NBPF14: variants seen among roughly 807,000 people sequenced by gnomAD.
NBPF14 encodes NBPF family member NBPF14.
A neutral mutation model predicts 91.2 loss-of-function variants in NBPF14; 104 were observed. That is an observed-to-expected ratio of 1.14 (90% confidence interval 0.97 to 1.34). The LOEUF is 1.34. Among genes scored for constraint, NBPF14 ranks in the 40% most tolerant of loss-of-function variants. NBPF14 has a pLI of 0.00. For synonymous variants in NBPF14, 294 were observed against 303.8 expected (o/e 0.97, Z 0.34); for missense variants, 908 against 783.0 (o/e 1.16, Z -1.91).
chr1:148,579,926 C>T (rs1465899619), intron 12 of NBPF14, among the ~76,000 whole-genome samples: 6 of 152,040 alleles, frequency 3.9e-5, no homozygotes, highest in Admixed American at 2.6e-4. Context: ...GACATCCACC[C>T]CAAAACCCCA....
chr1:148,583,868 CA>C lies in NBPF14; in HGVS notation c.1585+602del, dbSNP rs1235387311. 1.9e-3 allele frequency among the ~76,000 whole-genome samples: 134 copies of C among 69,878 alleles called. 6 individuals are homozygous for C. In the Middle Eastern group the frequency reaches 0.032, roughly 17 times the overall value. The allele number at this position is 69,878 out of a possible 152,430, so 45.8% of individuals were successfully genotyped here. A position where few individuals can be genotyped will look rare whatever the true frequency, so the allele number is the denominator to read the frequency against. On this transcript the variant is annotated intron_variant, in intron 11 of 70. Transcript: ENST00000619423. ...TGGGTGACAGAGCAAGACTCCATTG[CA>C]AAAAAAAAAAAATCCACGATGCTAC...
At chr1:148,557,022 G>C (rs1656677987) in intron 40 of NBPF14, among the ~76,000 whole-genome samples, 160 bp from the exon 41 acceptor site, 1 of 93,646 alleles carries the variant, frequency 1.1e-5, no homozygotes, top group Non-Finnish European at 1.9e-5. Flanking sequence ...GGACAGAACA[G>C]GGCCAAATGG....
exon 8 of NBPF14, chr1:148,587,305 G>C: frequency 6.3e-7 from 1 of 1,580,528 alleles, no homozygotes; most frequent in East Asian, 2.2e-5. Context: ...CCTCACCTGA[G>C]CTCCTCAGCT....
intron 28 of NBPF14, 88 bp from the exon 29 acceptor site, chr1:148,566,403 G>T (rs1213815998): frequency 1.6e-6 from 1 of 634,054 alleles, no homozygotes; most frequent in South Asian, 1.8e-5. Flanking sequence ...GCATAGGGAA[G>T]TGGTTAAAAA....
At chr1:148,560,236 T>G (rs1483166415) in intron 36 of NBPF14, among the ~76,000 whole-genome samples, 1 of 150,062 alleles carries the variant, frequency 6.7e-6, no homozygotes, top group Non-Finnish European at 1.5e-5. Context: ...GACATACTGG[T>G]AAGGGAGTCA....
chr1:148,585,398 G>C (rs1286049957), intron 9 of NBPF14, among the ~76,000 whole-genome samples, 185 bp from the exon 10 acceptor site: 3 of 151,854 alleles, frequency 2.0e-5, no homozygotes, highest in African/African-American at 7.3e-5. Context: ...ATGCATTTCT[G>C]ATCTGGAGGG....
In NBPF14 at chr1:148,572,760, G is replaced by T. The variant is rs1372829854; in HGVS notation, c.2586-145C>A. 6.3e-5 allele frequency: 34 copies of T among 542,796 alleles called. 4 individuals are homozygous for T. In the Admixed American group the frequency reaches 7.5e-4, roughly 12 times the overall value. The allele number at this position is 542,796 out of a possible 1,614,324, so 33.6% of individuals were successfully genotyped here. ...TGAGGTAACAAATTATTGCCTTTAT[G>T]TTGGGATAGAACAGGGCCAGATAGA... On this transcript the variant is annotated intron_variant, in intron 20 of 70. Coordinates refer to ENST00000619423, the Ensembl canonical transcript of NBPF14.
chr1:148,566,094 A>T lies in NBPF14; in HGVS notation c.3715+49T>A, dbSNP rs1434229570. The T allele has an allele frequency of 1.6e-4, 69 of 421,458 alleles. 3 individuals carry two copies. The highest frequency in any genetic ancestry group is 4.5e-4 in the South Asian group (20 of 44,672). 26.1% of individuals were successfully genotyped at this position (421,458 alleles called of 1,614,324 possible). A position where few individuals can be genotyped will look rare whatever the true frequency, so the allele number is the denominator to read the frequency against. On this transcript the variant is annotated intron_variant, in intron 29 of 70. Coordinates refer to ENST00000619423, the Ensembl canonical transcript of NBPF14. ...CACTTGGAGCAGGAATATGATCTTT[A>T]TATGGAAGACTCAGTGGATCCTTAT... is the stretch of plus-strand genomic sequence containing the variant.
chr1:148,559,994 A>T (rs1657433687), intron 36 of NBPF14, 29 bp from the exon 37 acceptor site: 1 of 1,002,098 alleles, frequency 1.0e-6, no homozygotes, highest in Non-Finnish European at 1.5e-6. Flanking sequence ...GTAAAGAATA[A>T]GCCAGGGGGA....
chr1:148,577,478 G>T, intron 14 of NBPF14, 123 bp from the exon 15 acceptor site: 1 of 700,998 alleles, frequency 1.4e-6, no homozygotes, highest in East Asian at 2.7e-5. Context: ...CCATTAATGA[G>T]GTAACAAATT....
chr1:148,559,845 A>C (rs1657398126), exon 37 of NBPF14: 5 of 1,526,766 alleles, frequency 3.3e-6, no homozygotes, highest in Non-Finnish European at 4.4e-6. Flanking sequence ...TGTAAAAGGC[A>C]CTTCTATAGG....
At chr1:148,556,849 G>C in exon 41 of NBPF14, 1 of 209,082 alleles carries the variant, frequency 4.8e-6, no homozygotes, top group South Asian at 3.4e-5. Flanking sequence ...ACCTCCAGCA[G>C]CTCCCTGCTG....
intron 34 of NBPF14, among the ~76,000 whole-genome samples, chr1:148,561,857 G>C (rs1286584707): frequency 1.5e-5 from 2 of 135,462 alleles, no homozygotes; most frequent in Non-Finnish European, 3.0e-5. Context: ...AACGAGCTCA[G>C]TGAATTGTCC....
chr1:148,579,045 C>G, intron 13 of NBPF14, 29 bp downstream of exon 13: 14 of 569,134 alleles, frequency 2.5e-5, no homozygotes, highest in Non-Finnish European at 9.3e-6. Context: ...TGAACTGGAG[C>G]TTTATCACCT....
At chr1:148,533,787 C>G in intron 70 of NBPF14, 74 bp downstream of exon 70, 1 of 764,722 alleles carries the variant, frequency 1.3e-6, no homozygotes, top group Non-Finnish European at 2.4e-6. Flanking sequence ...ACATCAAACA[C>G]ACTCTGGTTT....
chr1:148,586,916 C>T (rs1227051923), intron 8 of NBPF14, among the ~76,000 whole-genome samples: 4 of 143,616 alleles, frequency 2.8e-5, no homozygotes, highest in Non-Finnish European at 6.2e-5. Context: ...GAGGAGGCAA[C>T]ATTGATTGAG....
In NBPF14 at chr1:148,579,212, C is replaced by A. The variant is rs1217229677; in HGVS notation, c.1663G>T (p.Glu555Ter). Residue 555 changes from glutamate to a stop codon, truncating the protein, a stop_gained, in exon 13 of 71, where the codon GAA becomes TAA. Coordinates refer to ENST00000619423, the Ensembl canonical transcript of NBPF14. LOFTEE classifies it high-confidence loss of function. ...TCATCCCAGGACTCCTGGGGGACTT[C>A]CTCCTCTTCAGACTCCTGCAGATTC... 7.6e-6 allele frequency: 3 copies of A among 394,448 alleles called. No homozygotes were observed. The highest frequency in any genetic ancestry group is 4.3e-6 in the Non-Finnish European group (1 of 231,204). The allele number at this position is 394,448 out of a possible 1,614,324, so 24.4% of individuals were successfully genotyped here.
At chr1:148,559,285 G>C (rs1166526855) in intron 37 of NBPF14, among the ~76,000 whole-genome samples, 1 of 114,512 alleles carries the variant, frequency 8.7e-6, no homozygotes, top group Non-Finnish European at 1.6e-5. Flanking sequence ...CCCTATTCTG[G>C]TAGATCGTTA....
chr1:148,585,339 T>A lies in NBPF14; in HGVS notation c.1307-126A>T, dbSNP rs1344081205. 4.2e-5 allele frequency: 27 copies of A among 638,760 alleles called. No individual in the cohort carries two copies. In the African/African-American group the frequency reaches 4.8e-4, roughly 11 times the overall value. The allele number at this position is 638,760 out of a possible 1,614,324, so 39.6% of individuals were successfully genotyped here. On this transcript the variant is annotated intron_variant, in intron 9 of 70. Coordinates refer to ENST00000619423, the Ensembl canonical transcript of NBPF14. ...CACCGTTCAACTGAAAACTCTCATG[T>A]TTTATCTTTAACAGAATGCCCTGCC...
Sources: gnomAD v4.1 joint callset for allele counts (sites outside exome capture counted in the v4.1 genomes callset) on GRCh38, gnomAD v4.1.1 for gene constraint, MANE v1.5 for transcripts, NCBI Gene and HGNC (gene_info 2026-07-23, HGNC 2026-07-21) for gene names.